Variants in EYS observed in about 807,000 individuals in gnomAD.
EYS encodes the protein EGF-like photoreceptor maintenance factor, also known as protein eyes shut homolog.
A neutral mutation model predicts 282.1 loss-of-function variants in EYS; 250 were observed. The observed-to-expected ratio is 0.89, with a 90% CI of 0.80 to 0.98. EYS has a LOEUF of 0.98. Among genes scored for constraint, EYS ranks in the 50% least tolerant of loss-of-function variants. EYS has a pLI of 0.00. For missense variants in EYS, 4,016 were observed against 3,709.0 expected (o/e 1.08, Z -2.15); for synonymous variants, 1,355 against 1,282.9 (o/e 1.06, Z -1.20).
At chr6:63,925,987 C>T (rs1002134725) in intron 35 of EYS, among the ~76,000 whole-genome samples, 7 of 152,188 alleles carry the variant, frequency 4.6e-5, no homozygotes, top group African/African-American at 1.7e-4. Context: ...GCTATTTCTC[C>T]TAATGCTCTC....
At chr6:63,774,850 T>C (rs898195338) in intron 40 of EYS, among the ~76,000 whole-genome samples, 2 of 151,222 alleles carry the variant, frequency 1.3e-5, no homozygotes, top group Non-Finnish European at 2.9e-5. Context: ...TCACTAAACA[T>C]TTTTAGTTTG....
intron 30 of EYS, among the ~76,000 whole-genome samples, chr6:64,258,076 A>G (rs1767463243): frequency 6.6e-6 from 1 of 151,992 alleles, no homozygotes; most frequent in Non-Finnish European, 1.5e-5. Flanking sequence ...ATGCCATGTG[A>G]TCCTAAGAAG....
At chr6:65,250,517 A>C (rs182179806) in intron 12 of EYS, among the ~76,000 whole-genome samples, 16 of 152,058 alleles carry the variant, frequency 1.1e-4, no homozygotes, top group Admixed American at 9.8e-4. Flanking sequence ...AAATTCTCAG[A>C]AGAAATCTAA....
At chr6:64,969,466 A>G (rs12195184) in intron 14 of EYS, among the ~76,000 whole-genome samples, 1 of 151,924 alleles carries the variant, frequency 6.6e-6, no homozygotes, top group East Asian at 1.9e-4. Flanking sequence ...AATAATCACC[A>G]TTTTAAAGAA....
chr6:64,720,236 C>T (rs1771531918), intron 22 of EYS, among the ~76,000 whole-genome samples: 2 of 152,166 alleles, frequency 1.3e-5, no homozygotes, highest in South Asian at 4.1e-4. Flanking sequence ...GCAGCATCTT[C>T]ACATCCTTCT....
chr6:64,536,335 T>C (rs2149796332), intron 26 of EYS, among the ~76,000 whole-genome samples: 1 of 152,282 alleles, frequency 6.6e-6, no homozygotes, highest in South Asian at 2.1e-4. Context: ...CCTAATAAAC[T>C]ATGTAACAGA....
intron 31 of EYS, among the ~76,000 whole-genome samples, chr6:64,106,740 C>T (rs1272137826): frequency 1.3e-5 from 2 of 151,998 alleles, no homozygotes; most frequent in East Asian, 3.9e-4. Flanking sequence ...GGAAACTCAG[C>T]CATTATTGCT....
At chr6:64,744,853 A>G (rs1466865030) in intron 22 of EYS, among the ~76,000 whole-genome samples, 1 of 152,168 alleles carries the variant, frequency 6.6e-6, no homozygotes, top group South Asian at 2.1e-4. Flanking sequence ...ATTGCACACT[A>G]AAAGCTCTTA....
At chr6:64,934,097 G>A (rs1294108853) in intron 15 of EYS, among the ~76,000 whole-genome samples, 2 of 151,132 alleles carry the variant, frequency 1.3e-5, no homozygotes, top group African/African-American at 2.4e-5. Flanking sequence ...TAAAAAACCT[G>A]CACATTCTGT....
At chr6:65,369,335 T>A (rs912419268) in intron 8 of EYS, among the ~76,000 whole-genome samples, 1 of 144,450 alleles carries the variant, frequency 6.9e-6, no homozygotes, top group Non-Finnish European at 1.5e-5. Flanking sequence ...TATATTTATA[T>A]ATATATATAT....
intron 41 of EYS, among the ~76,000 whole-genome samples, chr6:63,738,740 TA>T (rs908351287): frequency 7.9e-5 from 12 of 151,876 alleles, no homozygotes; most frequent in African/African-American, 2.4e-4. Flanking sequence ...AGTATAATTA[TA>T]AAAAAAATAC....
At chr6:65,537,799 A>G (rs1768017487) in intron 2 of EYS, among the ~76,000 whole-genome samples, 1 of 152,210 alleles carries the variant, frequency 6.6e-6, no homozygotes, top group Non-Finnish European at 1.5e-5. Flanking sequence ...ACAGCTGGAG[A>G]AACAGAAGAT....
intron 41 of EYS, among the ~76,000 whole-genome samples, chr6:63,759,377 G>A (rs913436424): frequency 3.9e-5 from 6 of 151,988 alleles, no homozygotes; most frequent in Non-Finnish European, 8.8e-5. Context: ...CTCTACTAAG[G>A]CTTAGCTGCC....
intron 12 of EYS, among the ~76,000 whole-genome samples, chr6:65,076,966 C>T (rs750071932): frequency 6.6e-6 from 1 of 151,946 alleles, no homozygotes; most frequent in Non-Finnish European, 1.5e-5. Flanking sequence ...ATTAGGAAAT[C>T]AGAAAACAGG....
intron 22 of EYS, among the ~76,000 whole-genome samples, chr6:64,731,206 G>A (rs1045335476): frequency 9.9e-5 from 15 of 151,894 alleles, no homozygotes; most frequent in African/African-American, 3.4e-4. Context: ...TACCATCCAG[G>A]ACATAGGCAT....
chr6:64,486,440 T>G (rs1776581308), intron 26 of EYS, among the ~76,000 whole-genome samples: 1 of 151,390 alleles, frequency 6.6e-6, no homozygotes, highest in Non-Finnish European at 1.5e-5. Flanking sequence ...AGGTTATTTT[T>G]AAAGAGGTAG....
At chr6:64,158,129 G>T (rs1254719455) in intron 31 of EYS, among the ~76,000 whole-genome samples, 1 of 152,188 alleles carries the variant, frequency 6.6e-6, no homozygotes, top group Non-Finnish European at 1.5e-5. Flanking sequence ...AATCAAAGGA[G>T]ATCATTTGGG....
At chr6:65,234,616 G>T (rs1231531507) in intron 12 of EYS, among the ~76,000 whole-genome samples, 3 of 152,116 alleles carry the variant, frequency 2.0e-5, no homozygotes, top group Non-Finnish European at 4.4e-5. Context: ...AATCACTACA[G>T]TTGATACTGG....
chr6:65,314,559 ATGG>A (rs1265224908), intron 11 of EYS, among the ~76,000 whole-genome samples: 1 of 85,494 alleles, frequency 1.2e-5, no homozygotes, highest in Non-Finnish European at 2.3e-5. Context: ...ACTTCCCCTT[ATGG>A]TGTGTGTGTG....
Sources: gnomAD v4.1 joint callset for allele counts (sites outside exome capture counted in the v4.1 genomes callset) on GRCh38, gnomAD v4.1.1 for gene constraint, MANE v1.5 for transcripts, NCBI Gene and HGNC (gene_info 2026-07-23, HGNC 2026-07-21) for gene names.